Variants in CDH13 observed in about 807,000 individuals in gnomAD.
CDH13 encodes cadherin-13.
Under a neutral mutation model 63.8 loss-of-function variants are expected in CDH13, and 24 were observed. The ratio of observed to expected loss-of-function variants is 0.38; its 90% CI spans 0.27 to 0.53. The LOEUF is 0.53. CDH13 is among the 20% of genes least tolerant of loss of function. The pLI is 0.85. For synonymous variants in CDH13, 503 were observed against 355.3 expected (o/e 1.42, Z -4.67); for missense variants, 1,049 against 903.1 (o/e 1.16, Z -2.07).
chr16:83,535,446 C>G (rs997140635), intron 7 of CDH13, among the ~76,000 whole-genome samples: 4 of 152,158 alleles, frequency 2.6e-5, no homozygotes, highest in Non-Finnish European at 5.9e-5. Context: ...GAAGCTGTTG[C>G]AATAGTTCTG....
At chr16:82,791,591 C>T (rs2036307608) in intron 1 of CDH13, among the ~76,000 whole-genome samples, 1 of 152,176 alleles carries the variant, frequency 6.6e-6, no homozygotes, top group African/African-American at 2.4e-5. Flanking sequence ...TGAGCTTTCG[C>T]TCACCATCCA....
At chr16:82,722,299 A>C (rs965221861) in intron 1 of CDH13, among the ~76,000 whole-genome samples, 1 of 152,074 alleles carries the variant, frequency 6.6e-6, no homozygotes. Context: ...GTTTCTCTCC[A>C]TCTCTTGGCT....
intron 2 of CDH13, among the ~76,000 whole-genome samples, chr16:82,946,022 C>T (rs1904675890): frequency 1.3e-5 from 2 of 152,050 alleles, no homozygotes; most frequent in South Asian, 2.1e-4. Flanking sequence ...TTTTATAGCA[C>T]TTCTCCTGGC....
intron 1 of CDH13, among the ~76,000 whole-genome samples, chr16:82,628,036 C>T (rs1013374470): frequency 6.6e-6 from 1 of 152,238 alleles, no homozygotes; most frequent in Non-Finnish European, 1.5e-5. Context: ...TGCGGTCCGC[C>T]TGCAGTCACC....
At chr16:83,599,069 T>C (rs1907537136) in intron 7 of CDH13, among the ~76,000 whole-genome samples, 1 of 152,158 alleles carries the variant, frequency 6.6e-6, no homozygotes. Flanking sequence ...ACCTGAACTG[T>C]ACCTGTACTG....
At chr16:83,102,769 G>A (rs1047662287) in intron 3 of CDH13, among the ~76,000 whole-genome samples, 1 of 152,070 alleles carries the variant, frequency 6.6e-6, no homozygotes, top group African/African-American at 2.4e-5. Context: ...GTGGGAATTG[G>A]ATAAGGGTAA....
At chr16:83,677,266 T>C (rs747962109) in intron 9 of CDH13, among the ~76,000 whole-genome samples, 1 of 152,196 alleles carries the variant, frequency 6.6e-6, no homozygotes, top group African/African-American at 2.4e-5. Flanking sequence ...TGGAGTTTCT[T>C]TGACATCCTC....
intron 1 of CDH13, among the ~76,000 whole-genome samples, chr16:82,802,284 G>A (rs2036900631): frequency 6.6e-6 from 1 of 152,174 alleles, no homozygotes; most frequent in African/African-American, 2.4e-5. Flanking sequence ...CTCACAGTAT[G>A]TAGCGGGGAC....
intron 7 of CDH13, among the ~76,000 whole-genome samples, chr16:83,518,636 C>T (rs1422749962): frequency 6.7e-6 from 1 of 148,538 alleles, no homozygotes; most frequent in Non-Finnish European, 1.5e-5. Flanking sequence ...CTACACCCGG[C>T]TAATTTTTGT....
At chr16:83,445,333 A>G (rs1482554931) in intron 6 of CDH13, among the ~76,000 whole-genome samples, 1 of 104,980 alleles carries the variant, frequency 9.5e-6, no homozygotes, top group African/African-American at 2.8e-5. Flanking sequence ...ACCTACCCGA[A>G]TCATTCTTCT....
intron 5 of CDH13, among the ~76,000 whole-genome samples, chr16:83,272,691 G>T (rs1005122188): frequency 6.6e-6 from 1 of 152,068 alleles, no homozygotes; most frequent in South Asian, 2.1e-4. Flanking sequence ...GATTTCATAA[G>T]GTGGAAAAAC....
intron 5 of CDH13, among the ~76,000 whole-genome samples, chr16:83,316,486 G>T (rs946872429): frequency 6.6e-6 from 1 of 152,204 alleles, no homozygotes; most frequent in African/African-American, 2.4e-5. Context: ...TCAGCATGGT[G>T]GGGGATGCTG....
intron 10 of CDH13, among the ~76,000 whole-genome samples, chr16:83,731,553 G>A (rs976151500): frequency 6.6e-6 from 1 of 152,180 alleles, no homozygotes; most frequent in Admixed American, 6.5e-5. Context: ...ATAGATTCTG[G>A]ATATTAGACC....
At chr16:82,853,722 G>T (rs185726797) in intron 1 of CDH13, among the ~76,000 whole-genome samples, 21 of 152,314 alleles carry the variant, frequency 1.4e-4, no homozygotes, top group Non-Finnish European at 1.5e-4. Flanking sequence ...TTATTGCTGT[G>T]CTTTCAAAGG....
chr16:82,994,006 G>T (rs1461694637), intron 2 of CDH13, among the ~76,000 whole-genome samples: 1 of 152,084 alleles, frequency 6.6e-6, no homozygotes, highest in Non-Finnish European at 1.5e-5. Flanking sequence ...CCCTTTTCAG[G>T]AACGGAAATG....
At chr16:82,842,589 C>T (rs2039080817) in intron 1 of CDH13, among the ~76,000 whole-genome samples, 1 of 152,152 alleles carries the variant, frequency 6.6e-6, no homozygotes, top group South Asian at 2.1e-4. Flanking sequence ...GTCAGAAGTC[C>T]CCAACTTTTT....
chr16:82,669,418 A>G lies in CDH13; in HGVS notation c.45+42281A>G, dbSNP rs76290270. Among the ~76,000 whole-genome samples, 552 of 152,358 alleles carry G rather than the reference A, an allele frequency of 3.6e-3. 5 individuals are homozygous for G. The highest frequency in any genetic ancestry group is 0.013 in the African/African-American group (529 of 41,582). ...CATTGATAAAGTCTACAGAGAAAAT[A>G]GTGGGTCTTTTAGGACTTACCCATT... is the stretch of plus-strand genomic sequence containing the variant. On this transcript the variant is annotated intron_variant, in intron 1 of 13. Transcript: ENST00000567109.
intron 5 of CDH13, among the ~76,000 whole-genome samples, chr16:83,277,619 A>G (rs565486462): frequency 2.0e-5 from 3 of 152,290 alleles, no homozygotes; most frequent in East Asian, 3.9e-4. Context: ...TGTATATATC[A>G]TGGAGCTTCC....
chr16:82,782,086 A>G (rs1180642565), intron 1 of CDH13, among the ~76,000 whole-genome samples: 4 of 152,230 alleles, frequency 2.6e-5, no homozygotes, highest in South Asian at 2.1e-4. Flanking sequence ...TTCCTCCTAA[A>G]GTGCCCATTT....
Sources: gnomAD v4.1 joint callset for allele counts (sites outside exome capture counted in the v4.1 genomes callset) on GRCh38, gnomAD v4.1.1 for gene constraint, MANE v1.5 for transcripts, NCBI Gene and HGNC (gene_info 2026-07-23, HGNC 2026-07-21) for gene names.